The following SEMA6D variants were observed in gnomAD, a reference collection of about 807,000 sequenced individuals.
SEMA6D encodes semaphorin-6D.
In SEMA6D, 35 loss-of-function variants were observed where a neutral mutation model predicts 106.6. The observed-to-expected ratio is 0.33, with a 90% CI of 0.25 to 0.44. The LOEUF is 0.44. SEMA6D is among the 20% of genes least tolerant of loss of function. The pLI is 1.00. For missense variants in SEMA6D, 1,185 were observed against 1,345.9 expected (o/e 0.88, Z 1.87); for synonymous variants, 499 against 487.7 (o/e 1.02, Z -0.31).
rs531245923 is a variant in SEMA6D, at chr15:47,770,457, A to G, written c.1934-40A>G. On this transcript the variant is annotated intron_variant, in intron 18 of 18. Coordinates refer to ENST00000536845, the MANE Select transcript of SEMA6D (RefSeq NM_001358351.3). ...CATTTGCTATTTATTATTATTTTTAAAAAGCACCTTATTCACATTGTCCCA... is the reference window on the plus strand; with the variant it reads ...CATTTGCTATTTATTATTATTTTTAGAAAGCACCTTATTCACATTGTCCCA... 14 of 1,493,472 alleles carry G rather than the reference A, an allele frequency of 9.4e-6. No homozygotes were observed. The South Asian group carries it at 1.8e-4, about 19-fold the overall frequency. The allele number at this position is 1,493,472 out of a possible 1,614,324, so 92.5% of individuals were successfully genotyped here.
At chr15:47,701,102 A>G (rs2078801398) in intron 4 of SEMA6D, among the ~76,000 whole-genome samples, 1 of 152,244 alleles carries the variant, frequency 6.6e-6, no homozygotes, top group Admixed American at 6.5e-5. Flanking sequence ...GCTGGAATTC[A>G]TTAAAATCAA....
intron 1 of SEMA6D, among the ~76,000 whole-genome samples, chr15:47,257,741 A>T (rs2033883053): frequency 6.6e-6 from 1 of 151,778 alleles, no homozygotes; most frequent in South Asian, 2.1e-4. Context: ...AAAAAAAAAA[A>T]TCCTGGGTAC....
chr15:47,695,823 T>C (rs2078687356), intron 4 of SEMA6D, among the ~76,000 whole-genome samples: 1 of 152,306 alleles, frequency 6.6e-6, no homozygotes, highest in South Asian at 2.1e-4. Context: ...GAGCATGTAA[T>C]GAGTTATTGA....
chr15:47,257,323 C>T (rs527541264), intron 1 of SEMA6D, among the ~76,000 whole-genome samples: 3 of 152,296 alleles, frequency 2.0e-5, no homozygotes, highest in East Asian at 3.9e-4. Context: ...CCCCAAAGTT[C>T]TGGGATTACA....
intron 4 of SEMA6D, among the ~76,000 whole-genome samples, chr15:47,646,493 G>A (rs1239714424): frequency 6.6e-6 from 1 of 152,186 alleles, no homozygotes; most frequent in Non-Finnish European, 1.5e-5. Context: ...GGGTGACTGA[G>A]AAAATCTCCT....
At chr15:47,740,322 C>A (rs1473110717) in intron 1 of SEMA6D, among the ~76,000 whole-genome samples, 26 of 152,024 alleles carry the variant, frequency 1.7e-4, no homozygotes, top group Admixed American at 1.7e-3. Context: ...AGATCGAGAC[C>A]ATCCTGACCA....
chr15:47,296,094 T>C (rs1225633079), intron 1 of SEMA6D, among the ~76,000 whole-genome samples: 1 of 152,200 alleles, frequency 6.6e-6, no homozygotes, highest in Non-Finnish European at 1.5e-5. Context: ...GTATCAAGTT[T>C]CTAGTTTAGT....
chr15:47,736,902 T>C (rs2080476362), intron 1 of SEMA6D, among the ~76,000 whole-genome samples: 1 of 152,214 alleles, frequency 6.6e-6, no homozygotes, highest in African/African-American at 2.4e-5. Context: ...TCTTAACTTT[T>C]AATACAAAAG....
chr15:47,272,520 C>T (rs567636906), intron 1 of SEMA6D: 1 of 152,162 alleles, frequency 6.6e-6, no homozygotes, highest in South Asian at 2.1e-4. Context: ...AAAAATCATT[C>T]TTGATCACAG....
chr15:47,524,751 A>G (rs1227843335), intron 3 of SEMA6D, among the ~76,000 whole-genome samples: 1 of 152,174 alleles, frequency 6.6e-6, no homozygotes, highest in Non-Finnish European at 1.5e-5. Flanking sequence ...ACCTTCCCAC[A>G]TAGATGAGTT....
At position 47,726,484 on chromosome 15, in the gene SEMA6D, A is replaced by C. The variant is rs966188943; in HGVS notation, c.-55+8792A>C. ...TTTTCCTAGGGTCAAACAGCTAGTG[A>C]CTAGTGGAACCAGGGTACCTGGACC... On this transcript the variant is annotated intron_variant, in intron 1 of 18. Transcript: ENST00000536845. Among the ~76,000 whole-genome samples, 3 of 152,220 alleles carry C rather than the reference A, an allele frequency of 2.0e-5. No homozygotes were observed. In the East Asian group the frequency reaches 5.8e-4, roughly 29 times the overall value.
chr15:47,764,204 C>T lies in SEMA6D; in HGVS notation c.996C>T (p.Ser332=). 6.2e-7 allele frequency: 1 copy of T among 1,613,750 alleles called. No individual in the cohort carries two copies. The highest frequency in any genetic ancestry group is 1.1e-5 in the South Asian group (1 of 91,056). ...SIPGSAVCAF[S]MDDIEKVFKG... is the part of the protein sequence containing the mutation. ...CTGGTTCTGCTGTCTGTGCATTTAG[C>T]ATGGATGACATTGAAAAAGTATTCA... Residue 332 remains serine, a synonymous_variant, in exon 11 of 19, where the codon AGC becomes AGT. Coordinates refer to ENST00000536845, the MANE Select transcript of SEMA6D (RefSeq NM_001358351.3).
At chr15:47,581,401 G>A in intron 3 of SEMA6D, 1 of 491,884 alleles carries the variant, frequency 2.0e-6, no homozygotes, top group Non-Finnish European at 4.1e-6. Context: ...CATGTAATGG[G>A]AAGTAGTTTG....
intron 1 of SEMA6D, among the ~76,000 whole-genome samples, chr15:47,276,085 G>C (rs975196492): frequency 2.6e-5 from 4 of 152,138 alleles, no homozygotes; most frequent in African/African-American, 9.7e-5. Flanking sequence ...TTCTATGAAG[G>C]CTGAGAGAGG....
intron 1 of SEMA6D, among the ~76,000 whole-genome samples, chr15:47,270,083 T>C (rs1203306964): frequency 6.7e-6 from 1 of 150,008 alleles, no homozygotes; most frequent in Non-Finnish European, 1.5e-5. Flanking sequence ...ATTGTATTTA[T>C]TGTAGTTTTA....
At chr15:47,325,177 G>C (rs1278782399) in intron 1 of SEMA6D, among the ~76,000 whole-genome samples, 3 of 149,696 alleles carry the variant, frequency 2.0e-5, no homozygotes, top group Non-Finnish European at 4.4e-5. Context: ...TTTGTTTTTT[G>C]TTTTTTGTTT....
At chr15:47,325,139 A>G (rs2037077016) in intron 1 of SEMA6D, among the ~76,000 whole-genome samples, 1 of 150,950 alleles carries the variant, frequency 6.6e-6, no homozygotes, top group South Asian at 2.1e-4. Flanking sequence ...CCCTTTCAAA[A>G]TAAGAGCACA....
At chr15:47,581,124 CT>C (rs1179232815) in intron 3 of SEMA6D, among the ~76,000 whole-genome samples, 5 of 152,172 alleles carry the variant, frequency 3.3e-5, no homozygotes, top group Admixed American at 2.6e-4. Context: ...AACTTCAGAT[CT>C]TTTTCAGGGT....
intron 1 of SEMA6D, among the ~76,000 whole-genome samples, chr15:47,404,485 T>A (rs1306841770): frequency 6.6e-6 from 1 of 152,186 alleles, no homozygotes; most frequent in African/African-American, 2.4e-5. Context: ...GACCATCTGA[T>A]TGAAAAGCCT....
Sources: allele counts gnomAD v4.1 joint callset (sites outside exome capture counted in the v4.1 genomes callset), GRCh38; gene constraint gnomAD v4.1.1; transcripts MANE v1.5; gene names NCBI Gene and HGNC (gene_info 2026-07-23, HGNC 2026-07-21).